Variants in SKP1 observed in about 807,000 individuals in gnomAD.
SKP1 encodes the protein S-phase kinase associated protein 1.
A neutral mutation model predicts 21.5 loss-of-function variants in SKP1; 1 was observed. That is an observed-to-expected ratio of 0.05 (90% CI 0.02 to 0.22). SKP1 has a LOEUF of 0.22. SKP1 is among the 10% of genes least tolerant of loss of function. The pLI, the probability that SKP1 is intolerant of heterozygous loss-of-function variation, is 1.00. For synonymous variants in SKP1, 59 were observed against 59.3 expected (o/e 0.99, Z 0.03); for missense variants, 70 against 192.0 (o/e 0.36, Z 3.76).
intron 2 of SKP1, among the ~76,000 whole-genome samples, chr5:134,173,139 C>A (rs542419246): frequency 2.0e-5 from 3 of 152,090 alleles, no homozygotes; most frequent in African/African-American, 7.2e-5. Context: ...CCGAGACCAG[C>A]CTGACCAACA....
chr5:134,164,322 G>GA (rs55637997), intron 3 of SKP1, among the ~76,000 whole-genome samples: 1,393 of 121,790 alleles, frequency 0.011, 65 homozygotes, highest in African/African-American at 0.039. Context: ...TCCATCTCAA[G>GA]AAAAAAAAAA....
intron 3 of SKP1, among the ~76,000 whole-genome samples, chr5:134,165,461 G>C (rs1449534783): frequency 6.6e-6 from 1 of 151,626 alleles, no homozygotes; most frequent in Non-Finnish European, 1.5e-5. Flanking sequence ...ATGGTAGCGG[G>C]TGTCTGTAAT....
At chr5:134,166,580 C>CA (rs36106913) in intron 3 of SKP1, among the ~76,000 whole-genome samples, 37,082 of 52,390 alleles carry the variant, frequency 0.71, 15,922 homozygotes, top group South Asian at 0.79. Flanking sequence ...ACTCTGGTCT[C>CA]AAAAAAAAAA....
chr5:134,176,314 G>C (rs990390881), intron 1 of SKP1, among the ~76,000 whole-genome samples: 8 of 152,148 alleles, frequency 5.3e-5, no homozygotes, highest in Non-Finnish European at 1.2e-4. Context: ...GGACCGACCG[G>C]TAGCTAGTGA....
intron 2 of SKP1, among the ~76,000 whole-genome samples, chr5:134,169,151 G>T (rs372943025): frequency 2.4e-4 from 36 of 152,298 alleles, no homozygotes; most frequent in African/African-American, 8.4e-4. Flanking sequence ...GATGTCAACA[G>T]GTCTAGATAA....
Position 134,156,376 on chromosome 5 carries a change from G to A in SKP1, c.*1357C>T, listed in dbSNP as rs1342839748. 6.6e-6 allele frequency: 1 copy of A among 152,152 alleles called. No homozygotes were observed. Among genetic ancestry groups the A allele is most frequent in the Non-Finnish European group, 1.5e-5 (1 of 68,030 alleles). 9.4% of individuals were successfully genotyped at this position (152,152 alleles called of 1,614,324 possible). A position where few individuals can be genotyped will look rare whatever the true frequency, so the allele number is the denominator to read the frequency against. On this transcript the variant is annotated 3_prime_UTR_variant, in exon 6 of 6. Transcript: ENST00000353411. ...ATTATAGTTTCCTATCTCTGGTACAGACAACAAATTGGAATTAAGTGAGAC... is the reference window on the plus strand; with the variant it reads ...ATTATAGTTTCCTATCTCTGGTACAAACAACAAATTGGAATTAAGTGAGAC...
At chr5:134,174,102 G>A in intron 1 of SKP1, 80 bp from the exon 2 acceptor site, 1 of 861,380 alleles carries the variant, frequency 1.2e-6, no homozygotes, top group Non-Finnish European at 1.9e-6. Context: ...TCCATCAGAA[G>A]GCTCTAACTT....
rs1761122575 is a variant in SKP1 at position 134,156,473 on chromosome 5, A to G, written c.*1260T>C. On this transcript the variant is annotated 3_prime_UTR_variant, in exon 6 of 6. Coordinates refer to ENST00000353411, the MANE Select transcript of SKP1 (RefSeq NM_170679.3). ...GGTGAGATGAAGGCAAACTACTGTC[A>G]AGGGATGATCTGAGCCTGAACAACT... The G allele has an allele frequency of 3.9e-5, 6 of 152,212 alleles. No individual in the cohort carries two copies. The South Asian group carries it at 1.2e-3, about 32-fold the overall frequency. 9.4% of individuals were successfully genotyped at this position (152,212 alleles called of 1,614,324 possible).
intron 3 of SKP1, 95 bp downstream of exon 3, chr5:134,167,075 T>TTA: frequency 1.6e-6 from 1 of 643,910 alleles, no homozygotes; most frequent in Non-Finnish European, 2.7e-6. Context: ...AAGCAGTAAA[T>TTA]TATAAAATTC....
intron 1 of SKP1, chr5:134,174,999 G>A (rs888704285): frequency 6.6e-6 from 1 of 152,134 alleles, no homozygotes; most frequent in Non-Finnish European, 1.5e-5. Flanking sequence ...TGCTTCTCAA[G>A]TATTCATAAT....
intron 3 of SKP1, chr5:134,161,932 T>A (rs1761227832): frequency 6.6e-6 from 1 of 152,200 alleles, no homozygotes; most frequent in South Asian, 2.1e-4. Context: ...AGGCAGTGGC[T>A]ACATGGTTGT....
intron 2 of SKP1, among the ~76,000 whole-genome samples, chr5:134,170,305 T>A (rs1761417431): frequency 6.6e-6 from 1 of 152,240 alleles, no homozygotes. Flanking sequence ...CAAGTAATCC[T>A]CTTTAAATCC....
rs55637997 is a variant in SKP1, at chr5:134,164,322, GAAAAAA to G, written c.171+2842_171+2847del. The stretch of plus-strand genomic sequence containing the variant: ...CAACAAGAGCAAAACTCCATCTCAA[GAAAAAA>G]AAAAAAAAAAAAAAAAAAAAAAAGA... On this transcript the variant is annotated intron_variant, in intron 3 of 5. Transcript: ENST00000353411. Among the ~76,000 whole-genome samples, 4 of 122,128 alleles carry G rather than the reference GAAAAAA, an allele frequency of 3.3e-5. No individual in the cohort carries two copies. In the South Asian group the frequency reaches 7.7e-4, roughly 24 times the overall value. 80.1% of individuals were successfully genotyped at this position (122,128 alleles called of 152,430 possible). A position where few individuals can be genotyped will look rare whatever the true frequency, so the allele number is the denominator to read the frequency against.
chr5:134,176,419 A>AC (rs1318377335), intron 1 of SKP1, among the ~76,000 whole-genome samples: 3 of 152,016 alleles, frequency 2.0e-5, no homozygotes, highest in Admixed American at 6.6e-5. Flanking sequence ...AAAGCCAGAC[A>AC]CCGACACACG....
chr5:134,170,115 GC>G (rs1312242763), intron 2 of SKP1, among the ~76,000 whole-genome samples: 11 of 151,726 alleles, frequency 7.2e-5, no homozygotes, highest in Middle Eastern at 6.8e-3. Flanking sequence ...ATTGCAGTGA[GC>G]CCGAGATTGC....
chr5:134,163,582 G>A (rs1429254706), intron 3 of SKP1, among the ~76,000 whole-genome samples: 1 of 151,962 alleles, frequency 6.6e-6, no homozygotes, highest in African/African-American at 2.4e-5. Flanking sequence ...TTGAGCCCAG[G>A]AGTTCCGGAC....
intron 4 of SKP1, among the ~76,000 whole-genome samples, chr5:134,160,095 C>T (rs1205388432): frequency 1.3e-5 from 2 of 151,932 alleles, no homozygotes; most frequent in African/African-American, 4.8e-5. Flanking sequence ...GTGGCTCACA[C>T]CTGTAATCCC....
chr5:134,163,810 CA>C (rs1280220908), intron 3 of SKP1, among the ~76,000 whole-genome samples: 1 of 151,816 alleles, frequency 6.6e-6, no homozygotes, highest in Non-Finnish European at 1.5e-5. Flanking sequence ...ACCAAACAAA[CA>C]AAAAAACCCC....
rs1459542752 is a variant in SKP1, at chr5:134,154,413, A to T, written c.*3320T>A. ...CAGTGAGCTGAGATCGCACCACTGC[A>T]TTCCAGTCTGGGCGACAGAGTGAGA... On this transcript the variant is annotated 3_prime_UTR_variant, in exon 6 of 6. Coordinates refer to ENST00000353411, the MANE Select transcript of SKP1 (RefSeq NM_170679.3). 2 of 138,584 alleles carry T rather than the reference A, an allele frequency of 1.4e-5. No homozygotes were observed. The highest frequency in any genetic ancestry group is 3.0e-5 in the Non-Finnish European group (2 of 66,170). 8.6% of individuals were successfully genotyped at this position (138,584 alleles called of 1,614,324 possible). A position where few individuals can be genotyped will look rare whatever the true frequency, so the allele number is the denominator to read the frequency against.
Sources: gnomAD v4.1 joint callset for allele counts (sites outside exome capture counted in the v4.1 genomes callset) on GRCh38, gnomAD v4.1.1 for gene constraint, MANE v1.5 for transcripts, NCBI Gene and HGNC (gene_info 2026-07-23, HGNC 2026-07-21) for gene names.